The following GLIS3 variants were observed in gnomAD, a reference collection of about 807,000 sequenced individuals.
GLIS3 encodes zinc finger protein GLIS3.
Under a neutral mutation model 78.6 loss-of-function variants are expected in GLIS3, and 53 were observed. That is an observed-to-expected ratio of 0.67 (90% confidence interval 0.54 to 0.85). The LOEUF is 0.85. GLIS3 is among the 40% of genes least tolerant of loss of function. The pLI, the probability that GLIS3 is intolerant of heterozygous loss-of-function variation, is 0.00. For missense variants in GLIS3, 1,703 were observed against 1,231.1 expected, an observed-to-expected ratio of 1.38 and a Z score of -5.74; for synonymous variants, 684 against 509.9, an observed-to-expected ratio of 1.34 and a Z score of -4.60.
chr9:4,401,456 G>A, the GLIS3 span, among the ~76,000 whole-genome samples: 7 of 151,452 alleles, frequency 4.6e-5, no homozygotes, highest in African/African-American at 1.7e-4. Context: ...TAGAGATGGG[G>A]TTTCTCCATG....
At chr9:3,927,111 CTT>C (rs1454534672) in intron 6 of GLIS3, among the ~76,000 whole-genome samples, 2 of 152,122 alleles carry the variant, frequency 1.3e-5, no homozygotes, top group African/African-American at 4.8e-5. Context: ...TGTTGTTGGA[CTT>C]TCATGAAGAT....
intron 2 of GLIS3, among the ~76,000 whole-genome samples, chr9:4,317,283 T>C (rs933272421): frequency 6.6e-6 from 1 of 152,222 alleles, no homozygotes; most frequent in Non-Finnish European, 1.5e-5. Flanking sequence ...TAGCACAGCC[T>C]TTCCTTACCC....
intron 8 of GLIS3, 51 bp downstream of exon 8, chr9:3,879,376 A>G (rs1365600224): frequency 1.3e-6 from 2 of 1,560,364 alleles, no homozygotes; most frequent in Non-Finnish European, 8.8e-7. Flanking sequence ...TTGTCTGTGA[A>G]GGGAGGTTTG....
In GLIS3 at chr9:4,118,746, A is replaced by G. The variant is rs574236737; in HGVS notation, c.732T>C (p.Asn244=). The G allele has an allele frequency of 6.2e-7, 1 of 1,613,976 alleles. No individual in the cohort carries two copies. Among genetic ancestry groups the G allele is most frequent in the African/African-American group, 1.3e-5 (1 of 75,032 alleles). The part of the protein sequence containing the change: ...LPSLSNHGSQ[N]GLDLGDLLSL... ...TAAGGAGATCCCCTAGATCAAGGCC[A>G]TTCTGAGAGCCGTGGTTGGAGAGCG... Residue 244 remains asparagine (N), a synonymous_variant, in exon 4 of 11, where the codon AAT becomes AAC. Coordinates refer to ENST00000381971, the MANE Select transcript of GLIS3 (RefSeq NM_001042413.2). This position sits in a 1 kb window ranked among gnomAD's most constrained non-coding sequence, Gnocchi z 4.7.
Position 4,324,527 on chromosome 9 carries a change from GTTA to G in GLIS3, n.265-14002_265-14000del, listed in dbSNP as rs201256280. Among the ~76,000 whole-genome samples the G allele has an allele frequency of 5.8e-3, 885 of 152,294 alleles. 7 individuals carry two copies. Among genetic ancestry groups the G allele is most frequent in the African/African-American group, 0.02 (849 of 41,566 alleles). ...AATACACATTAGTTACATTATGGTA[GTTA>G]TTATTATGATTCGTATTCTTCCTTG... On this transcript the variant is annotated intron_variant and non_coding_transcript_variant, in intron 2 of 4. Transcript: ENST00000471664.
At chr9:4,062,865 C>T (rs1055318900) in intron 4 of GLIS3, among the ~76,000 whole-genome samples, 1 of 151,598 alleles carries the variant, frequency 6.6e-6, no homozygotes, top group South Asian at 2.1e-4. Context: ...GGAGGCGGAG[C>T]TTGCAGTGAG....
chr9:4,020,940 C>T (rs1466026081), intron 4 of GLIS3, among the ~76,000 whole-genome samples: 2 of 152,150 alleles, frequency 1.3e-5, no homozygotes, highest in Admixed American at 6.5e-5. Context: ...AAAAATAGAG[C>T]AGCACAGAGA....
intron 2 of GLIS3, among the ~76,000 whole-genome samples, chr9:4,188,789 T>TTTTCTA (rs1818045360): frequency 6.6e-6 from 1 of 152,144 alleles, no homozygotes; most frequent in Admixed American, 6.6e-5. Context: ...TGCGTAGAGG[T>TTTTCTA]GTTTGTAGTA....
At chr9:4,324,137 A>G (rs10814935) in intron 2 of GLIS3, among the ~76,000 whole-genome samples, 20,482 of 152,174 alleles carry the variant, frequency 0.13, 3,239 homozygotes, top group African/African-American at 0.38. Context: ...ATATTTAGAA[A>G]AGCTGCACTC....
At chr9:4,472,335 T>C in the GLIS3 span, among the ~76,000 whole-genome samples, 2 of 152,252 alleles carry the variant, frequency 1.3e-5, no homozygotes, top group Middle Eastern at 3.4e-3. Context: ...CTATTCACAA[T>C]AGCAAAGACT....
At chr9:4,164,158 G>T (rs1335475358) in intron 2 of GLIS3, among the ~76,000 whole-genome samples, 1 of 152,194 alleles carries the variant, frequency 6.6e-6, no homozygotes, top group Admixed American at 6.5e-5. Flanking sequence ...GGGTCATTTA[G>T]TGTCCTTAAA....
the GLIS3 span, among the ~76,000 whole-genome samples, chr9:4,367,571 T>C: frequency 3.8e-5 from 5 of 133,104 alleles, no homozygotes; most frequent in African/African-American, 1.5e-4. Context: ...AATGTGGAAG[T>C]AGCAGTGAGC....
At chr9:4,402,615 AC>A in the GLIS3 span, among the ~76,000 whole-genome samples, 1 of 152,236 alleles carries the variant, frequency 6.6e-6, no homozygotes. Context: ...GATAAATTTA[AC>A]AAAAAGATTG....
intron 4 of GLIS3, among the ~76,000 whole-genome samples, chr9:3,980,304 C>T (rs1162218547): frequency 6.6e-6 from 1 of 152,170 alleles, no homozygotes; most frequent in Non-Finnish European, 1.5e-5. Context: ...GTGAGAAGCA[C>T]GTAAGTGTTG....
chr9:4,202,680 C>A (rs981257280), intron 2 of GLIS3, among the ~76,000 whole-genome samples: 1 of 152,070 alleles, frequency 6.6e-6, no homozygotes, highest in Non-Finnish European at 1.5e-5. Context: ...CTGTAACCAT[C>A]AGATCTTTGA....
intron 2 of GLIS3, among the ~76,000 whole-genome samples, chr9:4,135,741 T>C (rs910113168): frequency 6.6e-6 from 1 of 152,162 alleles, no homozygotes; most frequent in Non-Finnish European, 1.5e-5. Context: ...CTTTGAAAAG[T>C]ATATTCTTTC....
chr9:3,932,815 A>T (rs1260139007), intron 5 of GLIS3: 2 of 439,648 alleles, frequency 4.5e-6, no homozygotes, highest in Non-Finnish European at 9.1e-6. Flanking sequence ...CCCTGAGAAT[A>T]ATCTTTGGTA....
chr9:4,434,487 T>G, the GLIS3 span, among the ~76,000 whole-genome samples: 1 of 152,108 alleles, frequency 6.6e-6, no homozygotes, highest in Non-Finnish European at 1.5e-5. Flanking sequence ...TTGGGGAGAA[T>G]GAGAAAATAG....
At chr9:4,384,693 G>T in the GLIS3 span, among the ~76,000 whole-genome samples, 2 of 151,934 alleles carry the variant, frequency 1.3e-5, no homozygotes, top group Non-Finnish European at 2.9e-5. Flanking sequence ...GCTTATTCAA[G>T]GGCTAGGTAA....
Sources: allele counts gnomAD v4.1 joint callset (sites outside exome capture counted in the v4.1 genomes callset), GRCh38; gene constraint gnomAD v4.1.1; non-coding constraint Gnocchi (gnomAD v3.1); transcripts MANE v1.5; gene names NCBI Gene and HGNC (gene_info 2026-07-23, HGNC 2026-07-21).